Variants in GNAS observed in about 807,000 individuals in gnomAD.
The protein encoded by GNAS is protein ALEX.
In GNAS, 8 loss-of-function variants were observed where a neutral mutation model predicts 54.5. That is an observed-to-expected ratio of 0.15 (90% CI 0.09 to 0.26). The LOEUF (loss-of-function observed/expected upper bound fraction) is 0.26, where lower values mean the gene tolerates loss of function less well. Ranked by LOEUF, GNAS falls within the 10% of genes least tolerant of loss-of-function variation. The pLI, the probability that GNAS is intolerant of heterozygous loss-of-function variation, is 1.00. For synonymous variants in GNAS, 204 were observed against 191.4 expected (o/e 1.07, Z -0.54); for missense variants, 170 against 529.8 (o/e 0.32, Z 6.67).
intron 1 of GNAS, among the ~76,000 whole-genome samples, chr20:58,894,223 AAGAT>A (rs1294570019): frequency 2.6e-5 from 4 of 152,254 alleles, no homozygotes; most frequent in Admixed American, 2.0e-4. Context: ...TTGCCTATGA[AAGAT>A]AGGTCCTGTA....
In GNAS at chr20:58,910,833, G is replaced by A; in HGVS notation, c.*4G>A. The A allele has an allele frequency of 6.2e-7, 1 of 1,613,660 alleles. No individual in the cohort carries two copies. The highest frequency in any genetic ancestry group is 8.5e-7 in the Non-Finnish European group (1 of 1,179,606). On this transcript the variant is annotated 3_prime_UTR_variant, in exon 13 of 13. Coordinates refer to ENST00000371085, the MANE Select transcript of GNAS (RefSeq NM_000516.7). The surrounding 1 kb of genome is among the most constrained non-coding windows in gnomAD (Gnocchi z 5.8). Reference sequence around the variant, plus strand: ...TCGTCAGTACGAGCTGCTCTAAGAAGGGAACCCCCAAATTTAATTAAAGCC... The same window carrying A: ...TCGTCAGTACGAGCTGCTCTAAGAAAGGAACCCCCAAATTTAATTAAAGCC...
rs2146185529 is a variant in GNAS, at chr20:58,903,785, C to T, written c.426C>T (p.Phe142=). 2 of 1,613,998 alleles carry T rather than the reference C, an allele frequency of 1.2e-6. No homozygotes were observed. Among genetic ancestry groups the T allele is most frequent in the South Asian group, 1.1e-5 (1 of 91,072 alleles). The part of the protein sequence containing the change: ...LSVMNVPDFD[F]PPEFYEHAKA... ...TGATGAACGTGCCTGACTTTGACTT[C>T]CCTCCCGTAAGCTACACCCCGACTT... is the stretch of plus-strand genomic sequence containing the variant. Residue 142 remains phenylalanine, a synonymous_variant, in exon 5 of 13, where the codon TTC becomes TTT. Coordinates refer to ENST00000371085, the MANE Select transcript of GNAS (RefSeq NM_000516.7).
chr20:58,850,899 C>G, intron 1 of GNAS: 2 of 398,748 alleles, frequency 5.0e-6, no homozygotes, highest in Non-Finnish European at 8.8e-6. Flanking sequence ...ACGCGGCGCC[C>G]CCTATTGGAC....
intron 3 of GNAS, chr20:58,899,457 CGCCTTGGTACCTT>C (rs745788901): frequency 6.3e-5 from 34 of 536,488 alleles, no homozygotes; most frequent in Admixed American, 9.7e-5. Context: ...TTTTGAAAAA[CGCCTTGGTACCTT>C]GCAGCAGGTC....
intron 1 of GNAS, among the ~76,000 whole-genome samples, chr20:58,894,949 A>C (rs921660398): frequency 6.6e-6 from 1 of 152,228 alleles, no homozygotes; most frequent in African/African-American, 2.4e-5. Flanking sequence ...ACCCAGAGGG[A>C]ATTTATCTTT....
chr20:58,842,153 C>A, intron 1 of GNAS: 1 of 398,852 alleles, frequency 2.5e-6, no homozygotes, highest in Non-Finnish European at 4.4e-6. Flanking sequence ...GATGACCCAG[C>A]ACAAAAACGG....
Position 58,855,866 on chromosome 20 carries a change from C to A in GNAS, c.43+14980C>A. On this transcript the variant is annotated intron_variant, in intron 1 of 12. Coordinates refer to the GNAS transcript ENST00000306090. ...AGTGTCCCCTGTTCCTATCCCGGCA[C>A]CCCCAAATTACCCGCCGACTGTGTA... 7.2e-6 allele frequency: 4 copies of A among 552,236 alleles called. No individual in the cohort carries two copies. In the East Asian group the frequency reaches 1.2e-4, roughly 16 times the overall value. 34.2% of individuals were successfully genotyped at this position (552,236 alleles called of 1,614,324 possible).
chr20:58,887,329 AC>A (rs1441558771), upstream of GNAS, among the ~76,000 whole-genome samples: 1 of 152,242 alleles, frequency 6.6e-6, no homozygotes, highest in Admixed American at 6.5e-5. Flanking sequence ...CTTCCCTCTT[AC>A]AAGTCTTTAA....
chr20:58,894,139 G>A (rs1482796194), intron 1 of GNAS, among the ~76,000 whole-genome samples: 2 of 152,270 alleles, frequency 1.3e-5, no homozygotes, highest in East Asian at 1.9e-4. Flanking sequence ...AAGTGAATTA[G>A]AGAACTACAA....
Position 58,853,720 on chromosome 20 carries a change from G to C in GNAS, c.43+12834G>C. The C allele has an allele frequency of 2.5e-6, 4 of 1,613,880 alleles. No individual in the cohort carries two copies. The highest frequency in any genetic ancestry group is 3.4e-6 in the Non-Finnish European group (4 of 1,179,886). On this transcript the variant is annotated intron_variant, in intron 1 of 12. Transcript: ENST00000306090. The surrounding 1 kb of genome is among the most constrained non-coding windows in gnomAD (Gnocchi z 4.4). ...TTCAGTGGTGCCAGACCAGGCCTGG[G>C]AGGATACAGCCCTCCACCAGAAGAA... is the stretch of plus-strand genomic sequence containing the variant.
At position 58,903,743 on chromosome 20, in the gene GNAS, G is replaced by C. The variant is rs3730166; in HGVS notation, c.384G>C (p.Val128=). 6.2e-7 allele frequency: 1 copy of C among 1,613,668 alleles called. No homozygotes were observed. ...CCAACCCCGAGAACCAGTTCAGAGT[G>C]GACTACATCCTGAGTGTGATGAACG... ...ELANPENQFR[V]DYILSVMNVP... is the part of the protein sequence containing the mutation. The change falls in exon 5 of 13, where the codon GTG becomes GTC. Residue 128 remains valine (V), a synonymous_variant. Coordinates refer to ENST00000371085, the MANE Select transcript of GNAS (RefSeq NM_000516.7).
At chr20:58,894,008 A>C (rs908677901) in intron 1 of GNAS, among the ~76,000 whole-genome samples, 8 of 152,246 alleles carry the variant, frequency 5.3e-5, no homozygotes, top group African/African-American at 1.9e-4. Flanking sequence ...AGCTTAAGCC[A>C]GTGACACAAT....
upstream of GNAS, chr20:58,889,378 C>G: frequency 1.0e-6 from 1 of 983,828 alleles, no homozygotes; most frequent in Non-Finnish European, 1.2e-6. Context: ...GCCGGGGCCT[C>G]CCGCGGAAGT....
At chr20:58,896,444 C>T (rs747470619) in intron 2 of GNAS, among the ~76,000 whole-genome samples, 2 of 151,978 alleles carry the variant, frequency 1.3e-5, no homozygotes, top group South Asian at 2.1e-4. Flanking sequence ...TGTGGCAATC[C>T]GTAGTGGGAA....
At chr20:58,893,610 T>TTCA (rs1248849293) in intron 1 of GNAS, among the ~76,000 whole-genome samples, 1 of 152,238 alleles carries the variant, frequency 6.6e-6, no homozygotes, top group African/African-American at 2.4e-5. Flanking sequence ...AAATTACTAA[T>TTCA]TAAGTCAAAA....
chr20:58,854,449 C>T (rs2086341342), intron 1 of GNAS: 4 of 1,576,888 alleles, frequency 2.5e-6, no homozygotes, highest in Non-Finnish European at 3.4e-6. Context: ...GCCAGGGCAG[C>T]CCCTGCAGCC....
chr20:58,860,665 G>A (rs1450703723), intron 1 of GNAS, among the ~76,000 whole-genome samples: 1 of 152,024 alleles, frequency 6.6e-6, no homozygotes, highest in South Asian at 2.1e-4. Flanking sequence ...GTTAGTTGTT[G>A]TTGTTGTTGT....
chr20:58,854,634 G>T, intron 1 of GNAS: 1 of 1,534,558 alleles, frequency 6.5e-7, no homozygotes, highest in Non-Finnish European at 8.7e-7. Flanking sequence ...CGACTCCGGG[G>T]CGGCCCCTGA....
chr20:58,854,906 C>T (rs2086391898), intron 1 of GNAS: 10 of 1,595,950 alleles, frequency 6.3e-6, no homozygotes, highest in South Asian at 2.2e-5. Context: ...GGCCTACTCG[C>T]GCGTCTGCCT....
Sources: allele counts gnomAD v4.1 joint callset (sites outside exome capture counted in the v4.1 genomes callset), GRCh38; gene constraint gnomAD v4.1.1; non-coding constraint Gnocchi (gnomAD v3.1); transcripts MANE v1.5; gene names NCBI Gene and HGNC (gene_info 2026-07-23, HGNC 2026-07-21).